The following GPR158 variants were observed in gnomAD, a reference collection of about 807,000 sequenced individuals.
The protein encoded by GPR158 is G protein-coupled receptor 158, also known as metabotropic glycine receptor.
A neutral mutation model predicts 78.2 loss-of-function variants in GPR158; 30 were observed. That is an observed-to-expected ratio of 0.38 (90% CI 0.29 to 0.52). The LOEUF (loss-of-function observed/expected upper bound fraction) is 0.52, where lower values mean the gene tolerates loss of function less well. GPR158 is among the 20% of genes least tolerant of loss of function. The pLI is 0.83. For missense variants in GPR158, 1,463 were observed against 1,523.5 expected (o/e 0.96, Z 0.66); for synonymous variants, 581 against 591.1 (o/e 0.98, Z 0.25).
At chr10:25,394,649 G>A (rs997856478) in intron 2 of GPR158, among the ~76,000 whole-genome samples, 4 of 152,152 alleles carry the variant, frequency 2.6e-5, no homozygotes, top group Non-Finnish European at 5.9e-5. Context: ...AATTGGATAT[G>A]TGTGTGTTAG....
intron 2 of GPR158, among the ~76,000 whole-genome samples, chr10:25,247,760 A>G (rs961967398): frequency 2.0e-5 from 3 of 151,776 alleles, no homozygotes; most frequent in East Asian, 1.9e-4. Context: ...ATTGTGAATA[A>G]TGCTGCAATA....
intron 2 of GPR158, among the ~76,000 whole-genome samples, chr10:25,323,445 ATCT>A (rs886960331): frequency 2.6e-5 from 4 of 152,116 alleles, no homozygotes; most frequent in Non-Finnish European, 5.9e-5. Context: ...CCCAGATGAC[ATCT>A]TCTTCCAAAG....
At chr10:25,542,805 A>G (rs1474476075) in intron 5 of GPR158, among the ~76,000 whole-genome samples, 1 of 139,760 alleles carries the variant, frequency 7.2e-6, no homozygotes, top group Admixed American at 7.3e-5. Flanking sequence ...GCCTGGCAAC[A>G]AGAGTGAAAC....
chr10:25,249,368 G>A (rs1853755307), intron 2 of GPR158, among the ~76,000 whole-genome samples: 1 of 152,186 alleles, frequency 6.6e-6, no homozygotes, highest in African/African-American at 2.4e-5. Flanking sequence ...AGTGGTGAGG[G>A]AGGGCATCCC....
In GPR158 at chr10:25,598,743, C is replaced by A. The variant is rs199827770; in HGVS notation, c.3117C>A (p.Asn1039Lys). The change falls in exon 11 of 11, where the codon AAC becomes AAA. Residue 1039 changes from asparagine to lysine, a missense_variant. Transcript: ENST00000376351. ...VSIVASEMEKNPTFSLKEKSH... is the reference protein window; with the variant it reads ...VSIVASEMEKKPTFSLKEKSH... ...TTGTGGCTTCTGAAATGGAGAAAAA[C>A]CCCACTTTTTCCTTAAAGGAGAAAT... 1.5e-5 allele frequency: 25 copies of A among 1,613,998 alleles called. No individual in the cohort carries two copies. In the Admixed American group the frequency reaches 4.0e-4, roughly 26 times the overall value.
rs1852538920 is a variant in GPR158 at position 25,176,649 on chromosome 10, G to A, written c.902+327G>A. 6.6e-6 allele frequency among the ~76,000 whole-genome samples: 1 copy of A among 152,240 alleles called. No homozygotes were observed. The highest frequency in any genetic ancestry group is 2.4e-5 in the African/African-American group (1 of 41,474). On this transcript the variant is annotated intron_variant, in intron 1 of 10. Transcript: ENST00000376351. The surrounding 1 kb of genome is among the most constrained non-coding windows in gnomAD (Gnocchi z 6.3). Reference sequence around the variant, plus strand: ...CTTCCCTCCAATTGTCCGGAGAGCAGGGAGGGGCGTTCCCCACCGGGGGGC... The same window carrying A: ...CTTCCCTCCAATTGTCCGGAGAGCAAGGAGGGGCGTTCCCCACCGGGGGGC...
chr10:25,514,328 C>G (rs1382972076), intron 5 of GPR158, among the ~76,000 whole-genome samples: 1 of 152,128 alleles, frequency 6.6e-6, no homozygotes, highest in Admixed American at 6.6e-5. Flanking sequence ...GTTACTCCTG[C>G]TCACTTTTGG....
chr10:25,523,297 GA>G (rs1836302477), intron 5 of GPR158, among the ~76,000 whole-genome samples: 2 of 152,206 alleles, frequency 1.3e-5, no homozygotes, highest in African/African-American at 2.4e-5. Flanking sequence ...TCAGAGTGAA[GA>G]AAACATCTTT....
chr10:25,477,467 C>T (rs1337763871), intron 5 of GPR158, among the ~76,000 whole-genome samples: 3 of 152,038 alleles, frequency 2.0e-5, no homozygotes, highest in Non-Finnish European at 2.9e-5. Context: ...TACTTCATTC[C>T]CTCAACCCTG....
intron 5 of GPR158, among the ~76,000 whole-genome samples, chr10:25,519,851 C>T (rs1836234797): frequency 1.3e-5 from 1 of 79,712 alleles, no homozygotes; most frequent in East Asian, 3.7e-4. Context: ...AATTATGTGT[C>T]TTGGAGTTGC....
At chr10:25,480,355 C>A (rs985306358) in intron 5 of GPR158, among the ~76,000 whole-genome samples, 1 of 152,156 alleles carries the variant, frequency 6.6e-6, no homozygotes, top group Non-Finnish European at 1.5e-5. Context: ...ATAAAACTTA[C>A]CAGTGTAACT....
At chr10:25,356,826 T>C (rs1487594769) in intron 2 of GPR158, among the ~76,000 whole-genome samples, 2 of 152,084 alleles carry the variant, frequency 1.3e-5, no homozygotes, top group East Asian at 3.9e-4. Flanking sequence ...GGGGTGCTAC[T>C]ATTAAAATAC....
chr10:25,237,481 A>G (rs1053895536), intron 2 of GPR158, among the ~76,000 whole-genome samples: 4 of 152,232 alleles, frequency 2.6e-5, no homozygotes, highest in African/African-American at 9.6e-5. Context: ...TATTTTTAGA[A>G]TCAAATAAAA....
chr10:25,284,561 G>A (rs2130757519), intron 2 of GPR158, among the ~76,000 whole-genome samples: 1 of 151,540 alleles, frequency 6.6e-6, no homozygotes, highest in African/African-American at 2.4e-5. Flanking sequence ...TAGATTTAGA[G>A]TTTTATTCAG....
At chr10:25,529,140 G>T (rs760433439) in intron 5 of GPR158, among the ~76,000 whole-genome samples, 34 of 152,182 alleles carry the variant, frequency 2.2e-4, no homozygotes, top group Non-Finnish European at 4.1e-4. Flanking sequence ...TGTAATCCCA[G>T]CACTTTAGGA....
At chr10:25,325,394 C>T (rs968498997) in intron 2 of GPR158, among the ~76,000 whole-genome samples, 1 of 151,808 alleles carries the variant, frequency 6.6e-6, no homozygotes, top group Non-Finnish European at 1.5e-5. Flanking sequence ...TTTTTAAGAC[C>T]AAGCTGAATA....
At chr10:25,503,721 C>G (rs987555622) in intron 5 of GPR158, among the ~76,000 whole-genome samples, 1 of 152,136 alleles carries the variant, frequency 6.6e-6, no homozygotes, top group African/African-American at 2.4e-5. Flanking sequence ...CTTGTCCTGG[C>G]TATGATGTTG....
chr10:25,558,407 G>A (rs747302983), intron 6 of GPR158, among the ~76,000 whole-genome samples: 10 of 152,108 alleles, frequency 6.6e-5, no homozygotes, highest in East Asian at 3.9e-4. Flanking sequence ...ATGTGAAGTC[G>A]GTAAGAGAAT....
intron 2 of GPR158, among the ~76,000 whole-genome samples, chr10:25,365,859 C>T (rs1041510310): frequency 4.0e-5 from 6 of 151,534 alleles, no homozygotes; most frequent in African/African-American, 1.5e-4. Flanking sequence ...AGAAGGCCTC[C>T]TTATGTCCCC....
Sources: gnomAD v4.1 joint callset for allele counts (sites outside exome capture counted in the v4.1 genomes callset) on GRCh38, gnomAD v4.1.1 for gene constraint, Gnocchi (gnomAD v3.1) non-coding constraint, MANE v1.5 for transcripts, NCBI Gene and HGNC (gene_info 2026-07-23, HGNC 2026-07-21) for gene names.